FIBCD1: variants seen among roughly 807,000 people sequenced by gnomAD.
The protein encoded by FIBCD1 is fibrinogen C domain-containing protein 1.
FIBCD1 carries 47 observed loss-of-function variants against 45.1 expected under a neutral mutation model. The ratio of observed to expected loss-of-function variants is 1.04; its 90% confidence interval spans 0.82 to 1.33. The LOEUF is 1.33. Among genes scored for constraint, FIBCD1 ranks in the 40% most tolerant of loss-of-function variants. The pLI is 0.00. For missense variants in FIBCD1, 653 were observed against 682.2 expected (o/e 0.96, Z 0.48); for synonymous variants, 313 against 308.1 (o/e 1.02, Z -0.17).
At chr9:130,911,116 C>T (rs1156314101) in intron 5 of FIBCD1, among the ~76,000 whole-genome samples, 1 of 152,102 alleles carries the variant, frequency 6.6e-6, no homozygotes, top group African/African-American at 2.4e-5. Context: ...AAGCTTTGTT[C>T]TTTCACTCTT....
At chr9:130,916,572 C>CT (rs1832165319) in intron 4 of FIBCD1, among the ~76,000 whole-genome samples, 1 of 152,252 alleles carries the variant, frequency 6.6e-6, no homozygotes, top group Non-Finnish European at 1.5e-5. Context: ...TAGTCTGACT[C>CT]TGAGCCCAGG....
intron 1 of FIBCD1, among the ~76,000 whole-genome samples, chr9:130,930,435 TGGGGAGATGC>T (rs1220697578): frequency 7.0e-6 from 1 of 142,990 alleles, no homozygotes; most frequent in Non-Finnish European, 1.5e-5. Context: ...CGGGGAGACA[TGGGGAGATGC>T]GGGGAGACGC....
At chr9:130,917,990 C>A (rs551448073) in intron 4 of FIBCD1, among the ~76,000 whole-genome samples, 1 of 152,294 alleles carries the variant, frequency 6.6e-6, no homozygotes, top group East Asian at 1.9e-4. Flanking sequence ...CTGCACAGCA[C>A]CCCGTGTGTG....
chr9:130,917,032 A>G (rs1292607959), intron 4 of FIBCD1, among the ~76,000 whole-genome samples: 1 of 152,240 alleles, frequency 6.6e-6, no homozygotes, highest in African/African-American at 2.4e-5. Context: ...TGGGAGGCAG[A>G]GGTTGCAGCG....
chr9:130,935,459 G>A (rs554520515), intron 1 of FIBCD1, among the ~76,000 whole-genome samples: 5 of 152,326 alleles, frequency 3.3e-5, no homozygotes, highest in Non-Finnish European at 7.3e-5. Context: ...GAGGGAGGAC[G>A]CATTAACAAA....
rs375766222 is a variant in FIBCD1, at chr9:130,926,352, G to A, written c.553-1956C>T. Among the ~76,000 whole-genome samples, 1 of 152,326 alleles carries A rather than the reference G, an allele frequency of 6.6e-6. No individual in the cohort carries two copies. The highest frequency in any genetic ancestry group is 3.4e-3 in the Middle Eastern group (1 of 294). On this transcript the variant is annotated intron_variant, in intron 2 of 6. Coordinates refer to ENST00000372338, the MANE Select transcript of FIBCD1 (RefSeq NM_032843.5). This position sits in a 1 kb window ranked among gnomAD's most constrained non-coding sequence, Gnocchi z 4.1. ...GAAAATGTACATATAAACATGCCCC[G>A]AATTAATGGGGAAGTGAGTCCCTGC...
intron 4 of FIBCD1, 96 bp from the exon 5 acceptor site, chr9:130,911,984 G>T (rs1832062075): frequency 1.7e-6 from 2 of 1,147,204 alleles, no homozygotes; most frequent in Non-Finnish European, 2.5e-6. Flanking sequence ...CCCTCACCCT[G>T]CTCCCAACCT....
Position 130,904,232 on chromosome 9 carries a change from G to A in FIBCD1, c.1218C>T (p.Arg406=), listed in dbSNP as rs143825813. ...HSENNCAAFY[R]GAWWYRNCHT... Reference sequence around the variant, plus strand: ...GGCAGTTGCGGTACCACCAGGCACCGCGGTAGAAGGCGGCACAGTTGTTCT... The same window carrying A: ...GGCAGTTGCGGTACCACCAGGCACCACGGTAGAAGGCGGCACAGTTGTTCT... Residue 406 remains arginine, a synonymous_variant, in exon 7 of 7, where the codon CGC becomes CGT. Coordinates refer to ENST00000372338, the MANE Select transcript of FIBCD1 (RefSeq NM_032843.5). The A allele has an allele frequency of 1.1e-5, 18 of 1,613,664 alleles. No individual in the cohort carries two copies. The highest frequency in any genetic ancestry group is 8.0e-5 in the African/African-American group (6 of 74,934).
At chr9:130,923,981 A>G (rs1832310693) in intron 3 of FIBCD1, 101 bp from the exon 4 acceptor site, 6 of 1,560,420 alleles carry the variant, frequency 3.8e-6, no homozygotes, top group Non-Finnish European at 5.2e-6. Context: ...GTGGGGTCCC[A>G]TGGGGTTGAG....
intron 3 of FIBCD1, 98 bp downstream of exon 3, chr9:130,924,139 C>T: frequency 7.0e-7 from 1 of 1,423,444 alleles, no homozygotes; most frequent in Non-Finnish European, 9.3e-7. Flanking sequence ...AGGGTCGGGC[C>T]CTGGAGTCTC....
intron 5 of FIBCD1, among the ~76,000 whole-genome samples, chr9:130,910,252 A>G (rs3932418): frequency 0.39 from 58,648 of 152,086 alleles, 13,276 homozygotes; most frequent in African/African-American, 0.61. Context: ...GGCAATGAGG[A>G]ACTTAGCACC....
intron 5 of FIBCD1, among the ~76,000 whole-genome samples, chr9:130,907,823 C>G (rs1200261283): frequency 1.3e-5 from 2 of 150,118 alleles, no homozygotes; most frequent in African/African-American, 4.9e-5. Context: ...CGCTTGAACC[C>G]GGGAGGTGGA....
chr9:130,904,626 C>A (rs4740382), intron 6 of FIBCD1, among the ~76,000 whole-genome samples: 17,682 of 152,226 alleles, frequency 0.12, 1,154 homozygotes, highest in Non-Finnish European at 0.15. Flanking sequence ...TGCCTCCCCG[C>A]TCCTCGGCCT....
chr9:130,912,961 G>T (rs1048134566), intron 4 of FIBCD1, among the ~76,000 whole-genome samples: 3 of 152,144 alleles, frequency 2.0e-5, no homozygotes, highest in Non-Finnish European at 4.4e-5. Context: ...ACAAGCCTGG[G>T]GCAGGGGTCG....
rs1382097150 is a variant in FIBCD1, at chr9:130,905,320, T to C, written c.1040A>G (p.Tyr347Cys). The C allele has an allele frequency of 1.2e-6, 2 of 1,614,004 alleles. No homozygotes were observed. The highest frequency in any genetic ancestry group is 1.7e-5 in the Admixed American group (1 of 60,004). ...DFENGTAYAR[Y>C]GSFGVGLFSV... Reference sequence around the variant, plus strand: ...GAACAAGCCCACGCCGAAGCTCCCGTAGCGGGCATAGGCCGTGCCATTCTC... The same window carrying C: ...GAACAAGCCCACGCCGAAGCTCCCGCAGCGGGCATAGGCCGTGCCATTCTC... The change falls in exon 6 of 7, where the codon TAC (tyrosine) becomes TGC (cysteine). Residue 347 changes from tyrosine to cysteine, a missense_variant. Coordinates refer to ENST00000372338, the MANE Select transcript of FIBCD1 (RefSeq NM_032843.5).
chr9:130,909,891 C>CA (rs1832004769), intron 5 of FIBCD1, among the ~76,000 whole-genome samples: 1 of 152,246 alleles, frequency 6.6e-6, no homozygotes, highest in Non-Finnish European at 1.5e-5. Flanking sequence ...GTCCCAGTGG[C>CA]AGGAAGGCGT....
At position 130,903,883 on chromosome 9, in the gene FIBCD1, C is replaced by T. The variant is rs190877064; in HGVS notation, c.*181G>A. 1,647 of 768,514 alleles carry T rather than the reference C, an allele frequency of 2.1e-3. 12 individuals carry two copies. Among genetic ancestry groups the T allele is most frequent in the South Asian group, 5.0e-3 (305 of 61,388 alleles). 47.6% of individuals were successfully genotyped at this position (768,514 alleles called of 1,614,324 possible). ...TGCCAAATGGAGGGGGTGGGGACGG[C>T]GAGAAGGCGATGTGTGACTTCACCG... On this transcript the variant is annotated 3_prime_UTR_variant, in exon 7 of 7. Transcript: ENST00000372338.
At chr9:130,911,406 C>T (rs1220530476) in intron 5 of FIBCD1, among the ~76,000 whole-genome samples, 1 of 152,186 alleles carries the variant, frequency 6.6e-6, no homozygotes, top group Non-Finnish European at 1.5e-5. Flanking sequence ...GTGTCCCTGG[C>T]ACCCTTGGGC....
intron 5 of FIBCD1, among the ~76,000 whole-genome samples, chr9:130,909,150 T>G (rs115391582): frequency 0.018 from 2,788 of 152,048 alleles, 97 homozygotes; most frequent in African/African-American, 0.064. Context: ...TCCTCAGATG[T>G]CCACACCCTT....
Sources: allele counts gnomAD v4.1 joint callset (sites outside exome capture counted in the v4.1 genomes callset), GRCh38; gene constraint gnomAD v4.1.1; non-coding constraint Gnocchi (gnomAD v3.1); transcripts MANE v1.5; gene names NCBI Gene and HGNC (gene_info 2026-07-23, HGNC 2026-07-21).